The following SMAD7 variants were observed in gnomAD, a reference collection of about 807,000 sequenced individuals.
SMAD7 encodes the protein MAD (mothers against decapentaplegic, Drosophila) homolog 7.
In SMAD7, 8 loss-of-function variants were observed where a neutral mutation model predicts 38.7. The ratio of observed to expected loss-of-function variants is 0.21; its 90% CI spans 0.12 to 0.37. The LOEUF (loss-of-function observed/expected upper bound fraction) is 0.37. Ranked by LOEUF, SMAD7 falls within the 10% of genes least tolerant of loss-of-function variation. The pLI is 1.00. For synonymous variants in SMAD7, 327 were observed against 265.1 expected (o/e 1.23, Z -2.27); for missense variants, 477 against 577.9 (o/e 0.83, Z 1.79).
intron 3 of SMAD7, among the ~76,000 whole-genome samples, chr18:48,927,930 A>T (rs971607250): frequency 6.6e-6 from 1 of 152,240 alleles, no homozygotes; most frequent in African/African-American, 2.4e-5. Context: ...TCACTGGCCG[A>T]AGTGCAGAGC....
At chr18:48,922,968 A>C (rs1295323467) in intron 3 of SMAD7, among the ~76,000 whole-genome samples, 1 of 152,132 alleles carries the variant, frequency 6.6e-6, no homozygotes, top group East Asian at 1.9e-4. Flanking sequence ...ACACGGAGGG[A>C]AAGGGAGCCC....
At chr18:48,945,245 G>A (rs1446044187) in intron 2 of SMAD7, among the ~76,000 whole-genome samples, 3 of 152,220 alleles carry the variant, frequency 2.0e-5, no homozygotes, top group South Asian at 2.1e-4. Flanking sequence ...CAGATCACAC[G>A]AGGTCAGGAG....
In SMAD7 at chr18:48,950,049, G is replaced by A; in HGVS notation, c.376C>T (p.Leu126Phe). Residue 126 changes from leucine to phenylalanine, a missense_variant, in exon 1 of 4, where the codon CTC becomes TTC. Physicochemically the swap from Leu to Phe is conservative, Grantham distance 22 (BLOSUM62 0). Coordinates refer to ENST00000262158, the MANE Select transcript of SMAD7 (RefSeq NM_005904.4). ...ESRGGTRTAC[L>F]LLPGRLDCRL... is the part of the protein sequence containing the mutation. ...CAGTCCAGGCGGCCGGGCAGCAGGAGGCACGCGGTGCGCGTCCCGCCGCGG... is the reference window on the plus strand; with the variant it reads ...CAGTCCAGGCGGCCGGGCAGCAGGAAGCACGCGGTGCGCGTCCCGCCGCGG... 2 of 1,434,426 alleles carry A rather than the reference G, an allele frequency of 1.4e-6. No homozygotes were observed. The highest frequency in any genetic ancestry group is 1.8e-6 in the Non-Finnish European group (2 of 1,096,926). 88.9% of individuals were successfully genotyped at this position (1,434,426 alleles called of 1,614,324 possible).
intron 2 of SMAD7, among the ~76,000 whole-genome samples, chr18:48,946,156 G>T (rs1366798697): frequency 6.6e-6 from 1 of 152,314 alleles, no homozygotes; most frequent in East Asian, 1.9e-4. Flanking sequence ...AGACTTCACA[G>T]GATGTATTCC....
Position 48,921,791 on chromosome 18 carries a change from A to G in SMAD7, c.862T>C (p.Tyr288His), listed in dbSNP as rs1326669091. ...AAGCCATTCCCCTGAGGTAGATCAT[A>G]GAAGATATCCAGAGAGGGCTCCTGG... is the stretch of plus-strand genomic sequence containing the variant. ...CVQEPSLDIF[Y>H]DLPQGNGFCL... is the part of the protein sequence containing the mutation. The change falls in exon 4 of 4, where the codon TAT becomes CAT. Residue 288 changes from tyrosine to histidine, a missense_variant. Coordinates refer to ENST00000262158, the MANE Select transcript of SMAD7 (RefSeq NM_005904.4). This position sits in a 1 kb window ranked among gnomAD's most constrained non-coding sequence, Gnocchi z 6.4. The G allele has an allele frequency of 6.2e-7, 1 of 1,614,100 alleles. No individual in the cohort carries two copies. The highest frequency in any genetic ancestry group is 1.3e-5 in the African/African-American group (1 of 74,950).
chr18:48,937,818 T>C (rs1286537317), intron 3 of SMAD7, among the ~76,000 whole-genome samples: 2 of 151,958 alleles, frequency 1.3e-5, no homozygotes, highest in Non-Finnish European at 2.9e-5. Flanking sequence ...TCCACCTGAG[T>C]CCCCCAAAGT....
intron 3 of SMAD7, among the ~76,000 whole-genome samples, chr18:48,927,920 T>G (rs1344367566): frequency 6.6e-6 from 1 of 152,224 alleles, no homozygotes; most frequent in African/African-American, 2.4e-5. Context: ...GAGGCACAAG[T>G]CACTGGCCGA....
chr18:48,947,170 T>G (rs1027323347), intron 2 of SMAD7, among the ~76,000 whole-genome samples: 1 of 152,210 alleles, frequency 6.6e-6, no homozygotes, highest in Admixed American at 6.5e-5. Flanking sequence ...ATCTGGTGTT[T>G]TGTAAATCGA....
intron 3 of SMAD7, among the ~76,000 whole-genome samples, chr18:48,937,264 A>ATGAGTGTGTG (rs1555717066): frequency 1.7e-5 from 2 of 119,778 alleles, no homozygotes; most frequent in Non-Finnish European, 3.4e-5. Context: ...AAGTAAAGGC[A>ATGAGTGTGTG]TGTGTGTGTG....
chr18:48,931,317 T>G (rs1423540875), intron 3 of SMAD7, among the ~76,000 whole-genome samples: 1 of 152,208 alleles, frequency 6.6e-6, no homozygotes, highest in Non-Finnish European at 1.5e-5. Context: ...GTATATTTTA[T>G]GTATATTTTA....
chr18:48,921,193 C>A lies in SMAD7; in HGVS notation c.*179G>T. On this transcript the variant is annotated 3_prime_UTR_variant, in exon 4 of 4. Transcript: ENST00000262158. This position sits in a 1 kb window ranked among gnomAD's most constrained non-coding sequence, Gnocchi z 6.4. ...ACAATTCTTTTCATAAGCTATTTCTCAAAGAGCGAAACAAAACAGAACACA... is the reference window on the plus strand; with the variant it reads ...ACAATTCTTTTCATAAGCTATTTCTAAAAGAGCGAAACAAAACAGAACACA... 1 of 594,120 alleles carries A rather than the reference C, an allele frequency of 1.7e-6. No homozygotes were observed. The highest frequency in any genetic ancestry group is 2.9e-6 in the Non-Finnish European group (1 of 348,326). The allele number at this position is 594,120 out of a possible 1,614,324, so 36.8% of individuals were successfully genotyped here. A position where few individuals can be genotyped will look rare whatever the true frequency, so the allele number is the denominator to read the frequency against.
intron 2 of SMAD7, among the ~76,000 whole-genome samples, chr18:48,945,402 C>G (rs1215674811): frequency 6.6e-6 from 1 of 152,024 alleles, no homozygotes; most frequent in Non-Finnish European, 1.5e-5. Flanking sequence ...GTGGAGCTTG[C>G]AGTGAGCCGA....
At chr18:48,948,347 T>A in intron 2 of SMAD7, 37 bp downstream of exon 2, 1 of 1,471,660 alleles carries the variant, frequency 6.8e-7, no homozygotes, top group Non-Finnish European at 9.4e-7. Context: ...ATTTCTAACT[T>A]AAGATAAGCA....
rs1429649867 is a variant in SMAD7, at chr18:48,920,781, G to C, written c.*591C>G. The C allele has an allele frequency of 6.5e-6, 1 of 152,702 alleles. No individual in the cohort carries two copies. Among genetic ancestry groups the C allele is most frequent in the East Asian group, 1.9e-4 (1 of 5,194 alleles). The allele number at this position is 152,702 out of a possible 1,614,324, so 9.5% of individuals were successfully genotyped here. A position where few individuals can be genotyped will look rare whatever the true frequency, so the allele number is the denominator to read the frequency against. Reference sequence around the variant, plus strand: ...AGGCCCGTGTCCTTGATGAGGGAGAGGAGGGGCAGGGGCTTTCCCAGGCTG... The same window carrying C: ...AGGCCCGTGTCCTTGATGAGGGAGACGAGGGGCAGGGGCTTTCCCAGGCTG... On this transcript the variant is annotated 3_prime_UTR_variant, in exon 4 of 4. Coordinates refer to ENST00000262158, the MANE Select transcript of SMAD7 (RefSeq NM_005904.4).
chr18:48,939,101 T>A (rs1177602323), intron 3 of SMAD7, among the ~76,000 whole-genome samples: 1 of 152,088 alleles, frequency 6.6e-6, no homozygotes, highest in Non-Finnish European at 1.5e-5. Context: ...CACGCTCTCA[T>A]GTGTTTGCGC....
At chr18:48,924,046 A>C (rs1484893040) in intron 3 of SMAD7, among the ~76,000 whole-genome samples, 1 of 152,222 alleles carries the variant, frequency 6.6e-6, no homozygotes, top group Non-Finnish European at 1.5e-5. Context: ...ACACATTGGC[A>C]TCAAGTGTGA....
At chr18:48,943,209 G>A (rs2070161929) in intron 2 of SMAD7, among the ~76,000 whole-genome samples, 1 of 152,126 alleles carries the variant, frequency 6.6e-6, no homozygotes, top group Non-Finnish European at 1.5e-5. Context: ...ACCTCTCCCA[G>A]GCTAGTCCAA....
intron 2 of SMAD7, among the ~76,000 whole-genome samples, chr18:48,947,203 C>T (rs917288695): frequency 6.6e-6 from 1 of 152,172 alleles, no homozygotes; most frequent in African/African-American, 2.4e-5. Flanking sequence ...ACATGCTTTG[C>T]GGGCCACTTA....
At chr18:48,943,601 C>T (rs1272256474) in intron 2 of SMAD7, among the ~76,000 whole-genome samples, 2 of 152,300 alleles carry the variant, frequency 1.3e-5, no homozygotes, top group East Asian at 3.9e-4. Flanking sequence ...GCGGAGAGCC[C>T]GGCTAAGGAA....
Sources: gnomAD v4.1 joint callset for allele counts (sites outside exome capture counted in the v4.1 genomes callset) on GRCh38, gnomAD v4.1.1 for gene constraint, Gnocchi (gnomAD v3.1) non-coding constraint, MANE v1.5 for transcripts, NCBI Gene and HGNC (gene_info 2026-07-23, HGNC 2026-07-21) for gene names.